The following DAB1 variants were observed in gnomAD, a reference collection of about 807,000 sequenced individuals.
The protein encoded by DAB1 is DAB adaptor protein 1.
A neutral mutation model predicts 64.6 loss-of-function variants in DAB1; 15 were observed. That is an observed-to-expected ratio of 0.23 (90% confidence interval 0.16 to 0.36). The LOEUF (loss-of-function observed/expected upper bound fraction) is 0.36. Ranked by LOEUF, DAB1 falls within the 10% of genes least tolerant of loss-of-function variation. DAB1 has a pLI of 1.00. For synonymous variants in DAB1, 235 were observed against 251.9 expected, an observed-to-expected ratio of 0.93 and a Z score of 0.64; for missense variants, 596 against 706.7, an observed-to-expected ratio of 0.84 and a Z score of 1.78.
chr1:57,407,586 C>A (rs2101047824), intron 1 of DAB1, among the ~76,000 whole-genome samples: 1 of 152,226 alleles, frequency 6.6e-6, no homozygotes, highest in East Asian at 1.9e-4. Context: ...TTTGTGTTTA[C>A]AAAACAACCC....
intron 7 of DAB1, among the ~76,000 whole-genome samples, chr1:57,451,323 C>T (rs1238121892): frequency 6.6e-6 from 1 of 152,206 alleles, no homozygotes; most frequent in East Asian, 1.9e-4. Context: ...AAGATTTGAA[C>T]TTAAGTTTCT....
chr1:57,108,928 GC>G, intron 4 of DAB1, among the ~76,000 whole-genome samples: 1 of 152,338 alleles, frequency 6.6e-6, no homozygotes, highest in South Asian at 2.1e-4. Context: ...ATGCCAGGTT[GC>G]ACCAAGGCTG....
intron 7 of DAB1, among the ~76,000 whole-genome samples, chr1:57,644,423 G>C (rs1558570670): frequency 6.6e-6 from 1 of 152,130 alleles, no homozygotes; most frequent in Non-Finnish European, 1.5e-5. Flanking sequence ...AAATAAATGT[G>C]CTGCCTTATG....
intron 2 of DAB1, among the ~76,000 whole-genome samples, chr1:57,265,235 G>C (rs1670499739): frequency 6.6e-6 from 1 of 152,138 alleles, no homozygotes; most frequent in Non-Finnish European, 1.5e-5. Context: ...CTCTCTTCTG[G>C]TGAGTCAGCC....
At chr1:57,397,439 ACCTTT>A (rs1360843074) in intron 1 of DAB1, among the ~76,000 whole-genome samples, 4 of 151,978 alleles carry the variant, frequency 2.6e-5, no homozygotes, top group Non-Finnish European at 4.4e-5. Context: ...TTTCTTCCAG[ACCTTT>A]CACCATACTT....
intron 7 of DAB1, among the ~76,000 whole-genome samples, chr1:57,494,558 G>C (rs568400067): frequency 6.6e-6 from 1 of 152,310 alleles, no homozygotes; most frequent in East Asian, 1.9e-4. Flanking sequence ...CCCCATAGAA[G>C]AGAGAGTCCT....
At chr1:57,480,007 C>T (rs1490775535) in intron 7 of DAB1, among the ~76,000 whole-genome samples, 2 of 151,646 alleles carry the variant, frequency 1.3e-5, no homozygotes, top group Non-Finnish European at 2.9e-5. Context: ...CAAAAATTAG[C>T]CGGGCATGGT....
chr1:58,353,068 C>T (rs1035810008), intron 3 of DAB1, among the ~76,000 whole-genome samples: 1 of 151,988 alleles, frequency 6.6e-6, no homozygotes, highest in Non-Finnish European at 1.5e-5. Flanking sequence ...GGAGTTATGC[C>T]ACGCTGCCGA....
At chr1:57,005,047 T>G (rs1381899051) in intron 14 of DAB1, among the ~76,000 whole-genome samples, 1 of 152,270 alleles carries the variant, frequency 6.6e-6, no homozygotes, top group East Asian at 1.9e-4. Flanking sequence ...GCTGTTAGGG[T>G]AGAAAAGTCT....
At chr1:57,121,393 A>G (rs1204741467) in intron 4 of DAB1, among the ~76,000 whole-genome samples, 2 of 151,794 alleles carry the variant, frequency 1.3e-5, no homozygotes, top group African/African-American at 4.8e-5. Flanking sequence ...ACTATGAAAG[A>G]TGTCTTTTGG....
chr1:57,490,388 T>C (rs1644146994), intron 7 of DAB1, among the ~76,000 whole-genome samples: 1 of 152,214 alleles, frequency 6.6e-6, no homozygotes, highest in Admixed American at 6.5e-5. Context: ...TATTATTTAT[T>C]ACATATTTAA....
intron 4 of DAB1, among the ~76,000 whole-genome samples, chr1:57,131,025 G>T (rs546777103): frequency 6.6e-6 from 1 of 152,234 alleles, no homozygotes; most frequent in Admixed American, 6.5e-5. Context: ...AGATTATTTA[G>T]CAGCCTTGGC....
At chr1:57,113,746 A>G (rs193239004) in intron 4 of DAB1, among the ~76,000 whole-genome samples, 1 of 152,106 alleles carries the variant, frequency 6.6e-6, no homozygotes, top group Non-Finnish European at 1.5e-5. Context: ...AGTTTTGTCA[A>G]CTCTGGCTCT....
intron 14 of DAB1, among the ~76,000 whole-genome samples, chr1:57,000,597 A>G (rs1645821731): frequency 6.6e-6 from 1 of 152,214 alleles, no homozygotes; most frequent in Admixed American, 6.5e-5. Context: ...TTGTAAGGCT[A>G]AACATGTAAC....
chr1:58,234,660 C>T (rs1349240043), intron 4 of DAB1, among the ~76,000 whole-genome samples: 2 of 152,178 alleles, frequency 1.3e-5, no homozygotes, highest in Non-Finnish European at 2.9e-5. Context: ...CTCAACAAAC[C>T]CTGTCCCAGG....
At chr1:58,097,857 T>G (rs1054268002) in intron 5 of DAB1, among the ~76,000 whole-genome samples, 1 of 152,130 alleles carries the variant, frequency 6.6e-6, no homozygotes, top group African/African-American at 2.4e-5. Context: ...AAAAACAGCT[T>G]GAAAGCCACC....
intron 5 of DAB1, among the ~76,000 whole-genome samples, chr1:58,138,856 G>C (rs766371043): frequency 4.6e-5 from 7 of 152,136 alleles, no homozygotes; most frequent in Non-Finnish European, 1.0e-4. Flanking sequence ...GAAGAGTTTG[G>C]ATCAATGGAT....
At chr1:58,208,045 G>C (rs1658369658) in intron 4 of DAB1, among the ~76,000 whole-genome samples, 1 of 151,730 alleles carries the variant, frequency 6.6e-6, no homozygotes, top group Non-Finnish European at 1.5e-5. Flanking sequence ...GTGAAAATGA[G>C]GGGAAAGTCC....
intron 7 of DAB1, among the ~76,000 whole-genome samples, chr1:57,558,621 T>C (rs973757510): frequency 1.3e-5 from 2 of 152,166 alleles, no homozygotes; most frequent in African/African-American, 4.8e-5. Flanking sequence ...GGAAGGAACA[T>C]AGAGTTGGAT....
Sources: gnomAD v4.1 joint callset for allele counts (sites outside exome capture counted in the v4.1 genomes callset) on GRCh38, gnomAD v4.1.1 for gene constraint, MANE v1.5 for transcripts, NCBI Gene and HGNC (gene_info 2026-07-23, HGNC 2026-07-21) for gene names.